EPN1: variants seen among roughly 807,000 people sequenced by gnomAD.
EPN1 encodes the protein epsin 1, also known as epsin-1.
In EPN1, 25 loss-of-function variants were observed where a neutral mutation model predicts 56.9. That is an observed-to-expected ratio of 0.44 (90% CI 0.32 to 0.61). EPN1 has a LOEUF of 0.61. EPN1 is among the 20% of genes least tolerant of loss of function. EPN1 has a pLI of 0.05. For synonymous variants in EPN1, 411 were observed against 361.8 expected, an observed-to-expected ratio of 1.14 and a Z score of -1.54; for missense variants, 785 against 823.7, an observed-to-expected ratio of 0.95 and a Z score of 0.58.
At chr19:55,683,624 A>G (rs1568568354) in intron 2 of EPN1, among the ~76,000 whole-genome samples, 2 of 152,218 alleles carry the variant, frequency 1.3e-5, no homozygotes, top group African/African-American at 4.8e-5. Flanking sequence ...TAGTGCCGGG[A>G]TTATAGGCGT....
In EPN1 at chr19:55,705,928, T is replaced by C. The variant is rs1987379737; in HGVS notation, c.*10572T>C. ...GTGATCATAGCTCACCATGGGATTC[T>C]TGATTTTCAGTGAGTATAAAGTGTA... On this transcript the variant is annotated 3_prime_UTR_variant, in exon 11 of 11. Coordinates refer to ENST00000270460, the MANE Select transcript of EPN1 (RefSeq NM_001130072.2). 6.5e-6 allele frequency: 1 copy of C among 152,946 alleles called. No homozygotes were observed. The highest frequency in any genetic ancestry group is 1.5e-5 in the Non-Finnish European group (1 of 68,734). 9.5% of individuals were successfully genotyped at this position (152,946 alleles called of 1,614,324 possible). A position where few individuals can be genotyped will look rare whatever the true frequency, so the allele number is the denominator to read the frequency against.
chr19:55,689,207 CTCTT>C lies in EPN1; in HGVS notation c.604-85_604-82del, dbSNP rs1395091767. 5.0e-6 allele frequency: 6 copies of C among 1,191,876 alleles called. No homozygotes were observed. The African/African-American group carries it at 6.0e-5, about 12-fold the overall frequency. The allele number at this position is 1,191,876 out of a possible 1,614,324, so 73.8% of individuals were successfully genotyped here. On this transcript the variant is annotated intron_variant, in intron 4 of 10. Coordinates refer to ENST00000270460, the MANE Select transcript of EPN1 (RefSeq NM_001130072.2). The surrounding 1 kb of genome is among the most constrained non-coding windows in gnomAD (Gnocchi z 5.7). ...CACTGGTTCAGGGACCCCCAGCCCT[CTCTT>C]TCTTCGGCTCTATCTGACCCTGGCT...
chr19:55,679,595 A>G (rs1416433376), intron 2 of EPN1, among the ~76,000 whole-genome samples: 1 of 152,156 alleles, frequency 6.6e-6, no homozygotes, highest in Non-Finnish European at 1.5e-5. Flanking sequence ...CCCCACCCTC[A>G]TGCGCTTAGA....
In EPN1 at chr19:55,691,737, TTCTC is replaced by T; in HGVS notation, c.763-12_763-9del. 1.2e-6 allele frequency: 2 copies of T among 1,605,684 alleles called. No individual in the cohort carries two copies. Among genetic ancestry groups the T allele is most frequent in the Non-Finnish European group, 1.7e-6 (2 of 1,175,762 alleles). ...CCACCACTTCTTCATGCTCCTTCTC[TTCTC>T]TCTCCCCCACAGTCGTCCCTCATGG... On this transcript the variant is annotated splice_polypyrimidine_tract_variant and intron_variant, in intron 6 of 10. Transcript: ENST00000270460. The surrounding 1 kb of genome is among the most constrained non-coding windows in gnomAD (Gnocchi z 5.6).
intron 2 of EPN1, among the ~76,000 whole-genome samples, chr19:55,679,762 C>T (rs986083917): frequency 6.6e-6 from 1 of 152,126 alleles, no homozygotes; most frequent in African/African-American, 2.4e-5. Context: ...TTTCCTGTGA[C>T]TCGTTTTCAT....
chr19:55,696,712 TGA>T lies in EPN1; in HGVS notation c.*1360_*1361del, dbSNP rs1199281159. The stretch of plus-strand genomic sequence containing the variant: ...CAGCCAGTGGAGTGTTGGAGGCCAC[TGA>T]GAGGGACATGACTGCGGTGTCCGAG... On this transcript the variant is annotated 3_prime_UTR_variant, in exon 11 of 11. Coordinates refer to ENST00000270460, the MANE Select transcript of EPN1 (RefSeq NM_001130072.2). The T allele has an allele frequency of 6.6e-6, 1 of 152,282 alleles. No individual in the cohort carries two copies. The highest frequency in any genetic ancestry group is 1.5e-5 in the Non-Finnish European group (1 of 68,118). The allele number at this position is 152,282 out of a possible 1,614,324, so 9.4% of individuals were successfully genotyped here.
At position 55,701,791 on chromosome 19, in the gene EPN1, TCA is replaced by T. The variant is rs1164780829; in HGVS notation, c.*6438_*6439del. On this transcript the variant is annotated 3_prime_UTR_variant, in exon 11 of 11. Transcript: ENST00000270460. ...TAGGCAAAAGGAAGAAACAGCTCTG[TCA>T]CAGAGACGGGTCCCGAACGGGTTGT... is the stretch of plus-strand genomic sequence containing the variant. The T allele has an allele frequency of 6.6e-6, 1 of 151,970 alleles. No homozygotes were observed. Among genetic ancestry groups the T allele is most frequent in the East Asian group, 1.9e-4 (1 of 5,192 alleles). 9.4% of individuals were successfully genotyped at this position (151,970 alleles called of 1,614,324 possible). A position where few individuals can be genotyped will look rare whatever the true frequency, so the allele number is the denominator to read the frequency against.
intron 9 of EPN1, 112 bp downstream of exon 9, chr19:55,693,149 G>C: frequency 4.9e-6 from 5 of 1,011,030 alleles, no homozygotes; most frequent in Non-Finnish European, 7.4e-6. Flanking sequence ...GCTGGACTTA[G>C]GGATGAAAAG....
In EPN1 at chr19:55,700,656, C is replaced by T. The variant is rs1480946162; in HGVS notation, c.*5300C>T. 6.6e-6 allele frequency: 1 copy of T among 152,282 alleles called. No homozygotes were observed. Among genetic ancestry groups the T allele is most frequent in the Non-Finnish European group, 1.5e-5 (1 of 68,068 alleles). The allele number at this position is 152,282 out of a possible 1,614,324, so 9.4% of individuals were successfully genotyped here. On this transcript the variant is annotated 3_prime_UTR_variant, in exon 11 of 11. Coordinates refer to ENST00000270460, the MANE Select transcript of EPN1 (RefSeq NM_001130072.2). ...TGCAAATGCCTCACTCGTGTTCAGC[C>T]ATCATTTACATTTGAACCACTCCTG...
intron 2 of EPN1, among the ~76,000 whole-genome samples, chr19:55,683,583 C>G (rs1005438844): frequency 1.3e-5 from 2 of 152,086 alleles, no homozygotes; most frequent in Non-Finnish European, 2.9e-5. Flanking sequence ...GAACCCCTGA[C>G]CTCGGGTGGT....
chr19:55,677,685 C>T, intron 1 of EPN1: 1 of 1,551,024 alleles, frequency 6.4e-7, no homozygotes. Flanking sequence ...CTTCCGCTAT[C>T]CTTGGGACGT....
In EPN1 at chr19:55,696,017, T is replaced by C. The variant is rs1305722454; in HGVS notation, c.*661T>C. 6.5e-6 allele frequency: 1 copy of C among 152,960 alleles called. No individual in the cohort carries two copies. 9.5% of individuals were successfully genotyped at this position (152,960 alleles called of 1,614,324 possible). On this transcript the variant is annotated 3_prime_UTR_variant, in exon 11 of 11. Coordinates refer to ENST00000270460, the MANE Select transcript of EPN1 (RefSeq NM_001130072.2). ...GCCACTCATGGCCAGACGCTTCCGG[T>C]GCAGGAGGCCTTGCTCTTGTGTTGA...
At position 55,692,807 on chromosome 19, in the gene EPN1, G is replaced by T; in HGVS notation, c.1177+11G>T. ...CCAATGGCACAACAGGTACTGGAAT[G>T]GGGGTGGGAATGGAGCCCCGGGTGG... On this transcript the variant is annotated intron_variant, in intron 8 of 10. Transcript: ENST00000270460. The T allele has an allele frequency of 6.3e-7, 1 of 1,594,774 alleles. No individual in the cohort carries two copies. The highest frequency in any genetic ancestry group is 8.6e-7 in the Non-Finnish European group (1 of 1,168,470).
In EPN1 at chr19:55,694,641, G is replaced by A. The variant is rs377238302; in HGVS notation, c.1265-85G>A. ...CTCTGGGCACCGGGCTCTTTGAAGCGCCCCCTATGATGGCCTATACTGCTC... is the reference window on the plus strand; with the variant it reads ...CTCTGGGCACCGGGCTCTTTGAAGCACCCCCTATGATGGCCTATACTGCTC... On this transcript the variant is annotated intron_variant, in intron 9 of 10. Transcript: ENST00000270460. This position sits in a 1 kb window ranked among gnomAD's most constrained non-coding sequence, Gnocchi z 4.2. The A allele has an allele frequency of 9.7e-6, 14 of 1,442,496 alleles. No homozygotes were observed. Among genetic ancestry groups the A allele is most frequent in the African/African-American group, 2.8e-5 (2 of 70,324 alleles). 89.4% of individuals were successfully genotyped at this position (1,442,496 alleles called of 1,614,324 possible).
intron 1 of EPN1, chr19:55,676,858 TCA>T (rs1985468326): frequency 4.3e-6 from 1 of 233,914 alleles, no homozygotes; most frequent in Non-Finnish European, 8.3e-6. Flanking sequence ...TGTGTTTTTC[TCA>T]TTGTGTCTCT....
chr19:55,693,805 T>C (rs1380192266), intron 9 of EPN1, among the ~76,000 whole-genome samples: 1 of 152,224 alleles, frequency 6.6e-6, no homozygotes, highest in Non-Finnish European at 1.5e-5. Context: ...CCTCTCATTA[T>C]CTAGGTTAAC....
At position 55,697,946 on chromosome 19, in the gene EPN1, TCAGGACCATCGAGA is replaced by T. The variant is rs1477012515; in HGVS notation, c.*2595_*2608del. 6.6e-6 allele frequency: 1 copy of T among 151,874 alleles called. No homozygotes were observed. Among genetic ancestry groups the T allele is most frequent in the African/African-American group, 2.4e-5 (1 of 41,302 alleles). The allele number at this position is 151,874 out of a possible 1,614,324, so 9.4% of individuals were successfully genotyped here. On this transcript the variant is annotated 3_prime_UTR_variant, in exon 11 of 11. Coordinates refer to ENST00000270460, the MANE Select transcript of EPN1 (RefSeq NM_001130072.2). ...TAAATGGCCGTGAGGAAGACTTTAT[TCAGGACCATCGAGA>T]CAGGTACAGGTACCATCAGTGGATG...
intron 6 of EPN1, among the ~76,000 whole-genome samples, chr19:55,690,441 A>C (rs1600105914): frequency 6.6e-6 from 1 of 152,246 alleles, no homozygotes; most frequent in African/African-American, 2.4e-5. Context: ...TGAGTAGCAA[A>C]CCCTCCCACA....
At chr19:55,683,053 C>A (rs576515583) in intron 2 of EPN1, among the ~76,000 whole-genome samples, 1 of 150,904 alleles carries the variant, frequency 6.6e-6, no homozygotes, top group Non-Finnish European at 1.5e-5. Context: ...CCGCGCCCAG[C>A]CTGTTTTTTG....
Sources: allele counts gnomAD v4.1 joint callset (sites outside exome capture counted in the v4.1 genomes callset), GRCh38; gene constraint gnomAD v4.1.1; non-coding constraint Gnocchi (gnomAD v3.1); transcripts MANE v1.5; gene names NCBI Gene and HGNC (gene_info 2026-07-23, HGNC 2026-07-21).